The following ELN variants were observed in gnomAD, a reference collection of about 807,000 sequenced individuals.
ELN encodes the protein elastin, also known as tropoelastin.
Under a neutral mutation model 105.8 loss-of-function variants are expected in ELN, and 65 were observed. The ratio of observed to expected loss-of-function variants is 0.61; its 90% confidence interval spans 0.50 to 0.75. ELN has a LOEUF of 0.75. Among genes scored for constraint, ELN ranks in the 30% least tolerant of loss-of-function variants. ELN has a pLI of 0.00. For missense variants in ELN, 882 were observed against 969.4 expected (o/e 0.91, Z 1.20); for synonymous variants, 368 against 389.2 (o/e 0.95, Z 0.64).
At chr7:74,031,902 AAGG>A (rs1788787836) in intron 1 of ELN, among the ~76,000 whole-genome samples, 1 of 151,254 alleles carries the variant, frequency 6.6e-6, no homozygotes, top group Non-Finnish European at 1.5e-5. Flanking sequence ...GGAAGGAAGG[AAGG>A]AAGGAAGGAA....
At position 74,068,936 on chromosome 7, in the gene ELN, C is replaced by A. The variant is rs1046076703; in HGVS notation, c.*236C>A. 6 of 578,080 alleles carry A rather than the reference C, an allele frequency of 1.0e-5. No homozygotes were observed. The Admixed American group carries it at 1.5e-4, about 14-fold the overall frequency. 35.8% of individuals were successfully genotyped at this position (578,080 alleles called of 1,614,324 possible). A position where few individuals can be genotyped will look rare whatever the true frequency, so the allele number is the denominator to read the frequency against. On this transcript the variant is annotated 3_prime_UTR_variant, in exon 33 of 33. Coordinates refer to ENST00000252034, the MANE Select transcript of ELN (RefSeq NM_000501.4). ...CAAGGGCCATGTGGTCCTGGCCCCC[C>A]ACCCCATCCCTTCCCACCTAGGAGC...
At chr7:74,043,665 G>A in intron 8 of ELN, 2 of 667,680 alleles carry the variant, frequency 3.0e-6, no homozygotes, top group Non-Finnish European at 5.3e-6. Context: ...GGCTCCAGGA[G>A]ACGGAGATAA....
At chr7:74,065,529 G>A (rs897533995) in intron 29 of ELN, among the ~76,000 whole-genome samples, 165 bp from the exon 30 acceptor site, 14 of 150,852 alleles carry the variant, frequency 9.3e-5, no homozygotes, top group East Asian at 1.9e-4. Context: ...CAGGAGAACC[G>A]CTTGAACCCA....
At chr7:74,029,532 G>C (rs1190693240) in intron 1 of ELN, among the ~76,000 whole-genome samples, 1 of 152,156 alleles carries the variant, frequency 6.6e-6, no homozygotes, top group African/African-American at 2.4e-5. Context: ...AACGCTGAGT[G>C]GGGGGCGGGA....
Position 74,057,393 on chromosome 7 carries a change from G to C in ELN, c.1358-247G>C, listed in dbSNP as rs1055388223. On this transcript the variant is annotated intron_variant, in intron 21 of 32. Transcript: ENST00000252034. ...CTCCACTCCCCGAGGTGCTGCAGGA[G>C]CAGGAGTGCTGGGTGGGCTAGTGCC... The C allele has an allele frequency of 2.0e-6, 3 of 1,504,764 alleles. No individual in the cohort carries two copies. The highest frequency in any genetic ancestry group is 2.6e-6 in the Non-Finnish European group (3 of 1,134,894). 93.2% of individuals were successfully genotyped at this position (1,504,764 alleles called of 1,614,324 possible). A position where few individuals can be genotyped will look rare whatever the true frequency, so the allele number is the denominator to read the frequency against.
At position 74,060,044 on chromosome 7, in the gene ELN, G is replaced by C. The variant is rs782520738; in HGVS notation, c.1573G>C (p.Ala525Pro). 6.2e-7 allele frequency: 1 copy of C among 1,614,084 alleles called. No homozygotes were observed. Among genetic ancestry groups the C allele is most frequent in the Admixed American group, 1.7e-5 (1 of 60,016 alleles). Residue 525 changes from alanine to proline, a missense_variant, in exon 23 of 33, where the codon GCA becomes CCA. Coordinates refer to ENST00000252034, the MANE Select transcript of ELN (RefSeq NM_000501.4). Reference protein sequence around the residue: ...VAPGIGPGGVAAAAKSAAKVA... With the variant: ...VAPGIGPGGVPAAAKSAAKVA... ...TCCCGGCATTGGCCCTGGTGGAGTT[G>C]CAGGTGAGTTTCATGAGTCAATGAG...
rs782644138 is a variant in ELN, at chr7:74,042,605, C to A, written c.233-9C>A. 1 of 1,612,708 alleles carries A rather than the reference C, an allele frequency of 6.2e-7. No homozygotes were observed. The highest frequency in any genetic ancestry group is 8.5e-7 in the Non-Finnish European group (1 of 1,179,896). On this transcript the variant is annotated splice_polypyrimidine_tract_variant and intron_variant, in intron 5 of 32. Transcript: ENST00000252034. ...AGCTCAGGACCTCACCCCATCCTCC[C>A]CTCCGCAGGGCTCGGCGCCTTCCCC...
At chr7:74,060,790 G>A (rs1437138624) in intron 25 of ELN, among the ~76,000 whole-genome samples, 1 of 152,202 alleles carries the variant, frequency 6.6e-6, no homozygotes, top group African/African-American at 2.4e-5. Context: ...AGGTAGATCA[G>A]CCTGGCTCCC....
intron 26 of ELN, chr7:74,062,418 C>T (rs1324730177): frequency 3.3e-5 from 5 of 152,400 alleles, no homozygotes; most frequent in Non-Finnish European, 5.9e-5. Context: ...TGCTCTGCCT[C>T]AGCGTTCTCA....
At chr7:74,035,453 G>T in intron 2 of ELN, 39 bp downstream of exon 2, 1 of 1,609,972 alleles carries the variant, frequency 6.2e-7, no homozygotes, top group African/African-American at 1.3e-5. Flanking sequence ...AGGTCATGCG[G>T]ATGATGCTGA....
At chr7:74,064,490 C>T in intron 29 of ELN, among the ~76,000 whole-genome samples, 1 of 151,346 alleles carries the variant, frequency 6.6e-6, no homozygotes. Context: ...GTGACACACG[C>T]CTGTAATCCC....
In ELN at chr7:74,045,276, T is replaced by G; in HGVS notation, c.524T>G (p.Val175Gly). Residue 175 changes from valine to glycine, a missense_variant, in exon 10 of 33, where the codon GTT becomes GGT. Transcript: ENST00000252034. ...VLPGVPTGAGVKPKAPGVGGA... is the reference protein window; with the variant it reads ...VLPGVPTGAGGKPKAPGVGGA... ...CCTGGAGTTCCCACTGGAGCAGGAG[T>G]TAAGCCCAAGGCTCCAGGTATGCAG... is the stretch of plus-strand genomic sequence containing the variant. 3.7e-6 allele frequency: 6 copies of G among 1,613,996 alleles called. No homozygotes were observed. Among genetic ancestry groups the G allele is most frequent in the Non-Finnish European group, 5.1e-6 (6 of 1,180,012 alleles).
intron 11 of ELN, 91 bp downstream of exon 11, chr7:74,046,308 C>G: frequency 1.3e-6 from 2 of 1,579,148 alleles, no homozygotes; most frequent in South Asian, 2.2e-5. Context: ...CCCATCCAAG[C>G]CTGCCCAATT....
chr7:74,054,275 C>A (rs1794776349), intron 18 of ELN, among the ~76,000 whole-genome samples: 2 of 152,020 alleles, frequency 1.3e-5, no homozygotes, highest in Non-Finnish European at 1.5e-5. Context: ...CGAGACCAGC[C>A]TGGCCAATAT....
chr7:74,066,922 G>A (rs559174005), intron 32 of ELN, 146 bp downstream of exon 32: 144 of 807,686 alleles, frequency 1.8e-4, no homozygotes, highest in Non-Finnish European at 2.8e-4. Flanking sequence ...GCTGGACCCC[G>A]AGCTGAATGT....
intron 1 of ELN, among the ~76,000 whole-genome samples, chr7:74,030,875 T>C (rs2130936022): frequency 6.6e-6 from 1 of 152,172 alleles, no homozygotes; most frequent in East Asian, 1.9e-4. Context: ...GAAGCACTGG[T>C]TTAGAGGTCG....
intron 19 of ELN, 110 bp from the exon 20 acceptor site, chr7:74,056,161 A>C: frequency 7.1e-7 from 1 of 1,418,008 alleles, no homozygotes; most frequent in Non-Finnish European, 1.0e-6. Flanking sequence ...TTTTATGGAC[A>C]AGGCCTGGGG....
At chr7:74,053,057 C>G in intron 17 of ELN, 106 bp from the exon 18 acceptor site, 1 of 1,541,960 alleles carries the variant, frequency 6.5e-7, no homozygotes, top group Non-Finnish European at 8.9e-7. Flanking sequence ...AACCCACCTG[C>G]AATCCTGCAT....
intron 4 of ELN, among the ~76,000 whole-genome samples, chr7:74,038,672 T>C (rs1217369065): frequency 2.0e-5 from 3 of 152,222 alleles, no homozygotes; most frequent in African/African-American, 7.2e-5. Context: ...ACATGTGACT[T>C]TGGCCGCCCC....
Sources: allele counts gnomAD v4.1 joint callset (sites outside exome capture counted in the v4.1 genomes callset), GRCh38; gene constraint gnomAD v4.1.1; transcripts MANE v1.5; gene names NCBI Gene and HGNC (gene_info 2026-07-23, HGNC 2026-07-21).